Variants in ZNF407 observed in about 807,000 individuals in gnomAD.
ZNF407 encodes the protein zinc finger protein 407.
In ZNF407, 17 loss-of-function variants were observed where a neutral mutation model predicts 131.2. The observed-to-expected ratio is 0.13, with a 90% CI of 0.09 to 0.19. The LOEUF is 0.19. Among genes scored for constraint, ZNF407 ranks in the 10% least tolerant of loss-of-function variants. The pLI is 1.00. For missense variants in ZNF407, 2,681 were observed against 2,830.6 expected, an observed-to-expected ratio of 0.95 and a Z score of 1.20; for synonymous variants, 1,156 against 1,062.0, an observed-to-expected ratio of 1.09 and a Z score of -1.72.
intron 3 of ZNF407, among the ~76,000 whole-genome samples, chr18:74,759,318 G>A (rs1048881844): frequency 6.6e-6 from 1 of 151,942 alleles, no homozygotes; most frequent in Non-Finnish European, 1.5e-5. Flanking sequence ...GGTATTCTGT[G>A]GACATGTTTG....
At chr18:74,955,113 G>A (rs930790069) in intron 8 of ZNF407, among the ~76,000 whole-genome samples, 7 of 152,316 alleles carry the variant, frequency 4.6e-5, no homozygotes, top group East Asian at 3.9e-4. Context: ...ATCCAGTTAG[G>A]AGTTTGGAAC....
chr18:74,812,936 T>G (rs1970217720), intron 4 of ZNF407, among the ~76,000 whole-genome samples: 1 of 152,232 alleles, frequency 6.6e-6, no homozygotes, highest in African/African-American at 2.4e-5. Flanking sequence ...TTTTTTCATG[T>G]AGACTACAGT....
rs752511359 is a variant in ZNF407, at chr18:74,920,741, A to T, written c.5428+49A>T. ...CTTGTTTCTAACAGGATTTCATGTG[A>T]TCACAGCAGTTATAATGCTATTTGT... On this transcript the variant is annotated intron_variant, in intron 8 of 8. Transcript: ENST00000299687. 3.4e-5 allele frequency: 53 copies of T among 1,553,442 alleles called. 1 individual carries two copies. In the South Asian group the frequency reaches 6.1e-4, roughly 18 times the overall value.
chr18:74,669,472 A>G (rs1254530228), intron 3 of ZNF407, among the ~76,000 whole-genome samples: 2 of 152,142 alleles, frequency 1.3e-5, no homozygotes, highest in East Asian at 1.9e-4. Context: ...AGCGTTCCCA[A>G]TCACGGTGTT....
intron 8 of ZNF407, among the ~76,000 whole-genome samples, chr18:74,988,185 G>A (rs556571319): frequency 2.0e-5 from 3 of 152,166 alleles, no homozygotes; most frequent in Non-Finnish European, 2.9e-5. Flanking sequence ...TTTAATTAAC[G>A]GTTCTGAAAT....
intron 8 of ZNF407, among the ~76,000 whole-genome samples, chr18:74,941,643 A>G (rs1972100599): frequency 6.6e-6 from 1 of 152,234 alleles, no homozygotes; most frequent in African/African-American, 2.4e-5. Context: ...TTAAGCATGT[A>G]TGTTATTCCT....
At chr18:74,757,056 T>G (rs1968980828) in intron 3 of ZNF407, among the ~76,000 whole-genome samples, 1 of 152,000 alleles carries the variant, frequency 6.6e-6, no homozygotes, top group Admixed American at 6.5e-5. Flanking sequence ...AATTTTTGGA[T>G]TTGTTGATAT....
chr18:74,750,298 G>A (rs187136099), intron 3 of ZNF407, among the ~76,000 whole-genome samples: 9 of 152,104 alleles, frequency 5.9e-5, no homozygotes, highest in East Asian at 5.8e-4. Context: ...TGCTTTTGTC[G>A]CTCATTTTAC....
chr18:74,625,404 G>A (rs906308069), intron 1 of ZNF407, among the ~76,000 whole-genome samples: 1 of 152,058 alleles, frequency 6.6e-6, no homozygotes, highest in Non-Finnish European at 1.5e-5. Context: ...TAATGTGGTG[G>A]TGTGTGTTCC....
intron 8 of ZNF407, among the ~76,000 whole-genome samples, chr18:74,998,824 T>C (rs1205973717): frequency 1.5e-5 from 1 of 64,674 alleles, no homozygotes; most frequent in Non-Finnish European, 3.0e-5. Flanking sequence ...GAAATACCAT[T>C]TGACCCAGCC....
intron 8 of ZNF407, among the ~76,000 whole-genome samples, chr18:75,057,795 T>C (rs1425032176): frequency 6.6e-6 from 1 of 152,224 alleles, no homozygotes; most frequent in Non-Finnish European, 1.5e-5. Flanking sequence ...TTTATGGATG[T>C]CATTACAGGG....
At chr18:74,724,104 AT>A (rs1287813538) in intron 3 of ZNF407, among the ~76,000 whole-genome samples, 1 of 152,180 alleles carries the variant, frequency 6.6e-6, no homozygotes, top group Non-Finnish European at 1.5e-5. Flanking sequence ...TATGAAAAAA[AT>A]CACTTAATCT....
At chr18:74,745,102 C>T (rs906344932) in intron 3 of ZNF407, among the ~76,000 whole-genome samples, 1 of 152,046 alleles carries the variant, frequency 6.6e-6, no homozygotes, top group African/African-American at 2.4e-5. Flanking sequence ...CATCTGTTCT[C>T]AGTTGGGTGG....
chr18:74,949,093 G>A (rs1972185631), intron 8 of ZNF407, among the ~76,000 whole-genome samples: 1 of 152,188 alleles, frequency 6.6e-6, no homozygotes. Flanking sequence ...GGAATTGTGT[G>A]GCTAATAGGG....
At chr18:74,777,969 C>T (rs1158791793) in intron 3 of ZNF407, among the ~76,000 whole-genome samples, 1 of 152,114 alleles carries the variant, frequency 6.6e-6, no homozygotes, top group Non-Finnish European at 1.5e-5. Context: ...TCAGTCCCAG[C>T]TACTGGGAAA....
intron 8 of ZNF407, among the ~76,000 whole-genome samples, chr18:74,965,030 T>A (rs1300929175): frequency 6.6e-6 from 1 of 152,222 alleles, no homozygotes; most frequent in Non-Finnish European, 1.5e-5. Flanking sequence ...TCCCATTTTT[T>A]ATTTTAATTT....
intron 3 of ZNF407, among the ~76,000 whole-genome samples, chr18:74,757,242 G>T (rs1231272180): frequency 6.6e-6 from 1 of 151,840 alleles, no homozygotes; most frequent in East Asian, 1.9e-4. Flanking sequence ...GTCAAATGAG[G>T]CAGTAAGAAT....
At chr18:74,818,865 T>TAAA (rs11392274) in intron 4 of ZNF407, among the ~76,000 whole-genome samples, 16 of 139,424 alleles carry the variant, frequency 1.1e-4, no homozygotes, top group South Asian at 2.4e-4. Context: ...CATTGAACAG[T>TAAA]AAAAAAAAAA....
At chr18:74,748,284 CTT>C (rs35881659) in intron 3 of ZNF407, among the ~76,000 whole-genome samples, 37 of 138,548 alleles carry the variant, frequency 2.7e-4, no homozygotes, top group Middle Eastern at 3.8e-3. Context: ...AAAATTCTTT[CTT>C]TTTTTTTTTT....
Sources: allele counts gnomAD v4.1 joint callset (sites outside exome capture counted in the v4.1 genomes callset), GRCh38; gene constraint gnomAD v4.1.1; transcripts MANE v1.5; gene names NCBI Gene and HGNC (gene_info 2026-07-23, HGNC 2026-07-21).